The following NAALADL2 variants were observed in gnomAD, a reference collection of about 807,000 sequenced individuals.
NAALADL2 encodes the protein N-acetylated alpha-linked acidic dipeptidase like 2, also known as inactive N-acetylated-alpha-linked acidic dipeptidase-like protein 2.
A neutral mutation model predicts 87.2 loss-of-function variants in NAALADL2; 76 were observed. The observed-to-expected ratio is 0.87, with a 90% CI of 0.72 to 1.05. NAALADL2 has a LOEUF of 1.05. NAALADL2 is among the 50% of genes least tolerant of loss of function. NAALADL2 has a pLI of 0.00. For missense variants in NAALADL2, 1,089 were observed against 945.8 expected (o/e 1.15, Z -1.99); for synonymous variants, 354 against 331.0 (o/e 1.07, Z -0.75).
intron 2 of NAALADL2, among the ~76,000 whole-genome samples, chr3:175,112,283 TG>T (rs1724322669): frequency 6.6e-6 from 1 of 151,554 alleles, no homozygotes; most frequent in African/African-American, 2.4e-5. Flanking sequence ...CCCAAATTCT[TG>T]TTAATATATT....
chr3:175,201,046 C>T (rs1198002999), intron 2 of NAALADL2, among the ~76,000 whole-genome samples: 1 of 152,166 alleles, frequency 6.6e-6, no homozygotes, highest in Non-Finnish European at 1.5e-5. Flanking sequence ...AGAATTATGT[C>T]AAATTGTTCT....
intron 10 of NAALADL2, 94 bp from the exon 11 acceptor site, chr3:175,627,197 A>G (rs1026179823): frequency 1.0e-6 from 1 of 954,186 alleles, no homozygotes; most frequent in Non-Finnish European, 1.6e-6. Context: ...AAGGCAATTT[A>G]GAGTCCTTTT....
chr3:175,645,672 T>C (rs1374465514), intron 11 of NAALADL2, among the ~76,000 whole-genome samples: 2 of 152,052 alleles, frequency 1.3e-5, no homozygotes, highest in Non-Finnish European at 2.9e-5. Flanking sequence ...AAGAAGGCCA[T>C]GTCACTGGAA....
At chr3:175,069,432 C>T (rs1172725982) in intron 1 of NAALADL2, among the ~76,000 whole-genome samples, 2 of 149,556 alleles carry the variant, frequency 1.3e-5, no homozygotes, top group Non-Finnish European at 2.9e-5. Flanking sequence ...CACTGGCCAT[C>T]AGAGAAATGC....
At chr3:175,218,609 A>T (rs1417235898) in intron 2 of NAALADL2, among the ~76,000 whole-genome samples, 1 of 152,052 alleles carries the variant, frequency 6.6e-6, no homozygotes, top group Non-Finnish European at 1.5e-5. Context: ...TATAACAGTT[A>T]TTTTCACATT....
intron 5 of NAALADL2, among the ~76,000 whole-genome samples, chr3:175,402,717 A>G (rs560623867): frequency 1.1e-3 from 173 of 152,112 alleles, no homozygotes; most frequent in African/African-American, 4.0e-3. Context: ...TTCCTTCAGA[A>G]CTGGATTTTA....
intron 1 of NAALADL2, among the ~76,000 whole-genome samples, chr3:174,971,851 C>T (rs147277005): frequency 3.3e-4 from 50 of 152,256 alleles, no homozygotes; most frequent in Non-Finnish European, 4.3e-4. Flanking sequence ...GCACATGCCA[C>T]GACGCCCAGC....
chr3:175,458,550 A>C (rs1722662849), intron 6 of NAALADL2, among the ~76,000 whole-genome samples: 1 of 147,868 alleles, frequency 6.8e-6, no homozygotes, highest in Non-Finnish European at 1.5e-5. Flanking sequence ...ATATAATTAA[A>C]ATATATTAAA....
intron 2 of NAALADL2, among the ~76,000 whole-genome samples, chr3:175,108,759 A>T (rs1723681306): frequency 6.6e-6 from 1 of 151,978 alleles, no homozygotes; most frequent in Non-Finnish European, 1.5e-5. Context: ...GGTATATTTT[A>T]ATTAAACTGG....
intron 12 of NAALADL2, among the ~76,000 whole-genome samples, chr3:175,753,637 T>G (rs1746885701): frequency 1.3e-5 from 2 of 152,206 alleles, no homozygotes; most frequent in African/African-American, 2.4e-5. Context: ...TTTTCTTAAA[T>G]ATGTATAGAA....
At chr3:175,695,723 C>T (rs1220828873) in intron 11 of NAALADL2, among the ~76,000 whole-genome samples, 1 of 151,908 alleles carries the variant, frequency 6.6e-6, no homozygotes, top group South Asian at 2.1e-4. Context: ...TGCTTCCAAA[C>T]ATAGATTTCA....
intron 2 of NAALADL2, among the ~76,000 whole-genome samples, chr3:174,577,165 A>G (rs1297498338): frequency 1.3e-5 from 2 of 152,146 alleles, no homozygotes; most frequent in African/African-American, 4.8e-5. Flanking sequence ...TACATATATA[A>G]CACATTTGAT....
intron 5 of NAALADL2, among the ~76,000 whole-genome samples, chr3:175,349,594 C>T (rs1489875785): frequency 1.3e-5 from 2 of 152,002 alleles, no homozygotes; most frequent in Admixed American, 1.3e-4. Context: ...AGAAAACAGA[C>T]CCTTGCTTCA....
chr3:174,553,246 A>G (rs1189559962), intron 2 of NAALADL2, among the ~76,000 whole-genome samples: 2 of 152,182 alleles, frequency 1.3e-5, no homozygotes, highest in Non-Finnish European at 2.9e-5. Flanking sequence ...GGCAAATGTT[A>G]TAATAATTAG....
chr3:174,714,416 A>T (rs958599737), intron 2 of NAALADL2, among the ~76,000 whole-genome samples: 7 of 152,092 alleles, frequency 4.6e-5, no homozygotes, highest in Non-Finnish European at 7.4e-5. Context: ...CATGATTTTG[A>T]TTCTTCCTAC....
At chr3:175,601,506 G>A (rs1164774857) in intron 10 of NAALADL2, among the ~76,000 whole-genome samples, 1 of 152,136 alleles carries the variant, frequency 6.6e-6, no homozygotes, top group East Asian at 1.9e-4. Context: ...GCGATATGGA[G>A]CAAGTTATAA....
chr3:175,667,910 G>A (rs532681742), intron 11 of NAALADL2, among the ~76,000 whole-genome samples: 16 of 152,002 alleles, frequency 1.1e-4, no homozygotes, highest in African/African-American at 3.1e-4. Context: ...AAGATGTTTC[G>A]TACTAAAACA....
At chr3:174,696,233 A>G (rs1728998924) in intron 2 of NAALADL2, among the ~76,000 whole-genome samples, 1 of 152,052 alleles carries the variant, frequency 6.6e-6, no homozygotes, top group Admixed American at 6.5e-5. Flanking sequence ...TTAATATTAT[A>G]AAGTAGACAT....
At position 174,508,114 on chromosome 3, in the gene NAALADL2, G is replaced by GTTTTTTTTTTTTTTGT. The variant is rs1553775286; in HGVS notation, c.-183-42441_-183-42440insGTTTTTTTTTTTTTTT. Among the ~76,000 whole-genome samples the GTTTTTTTTTTTTTTGT allele has an allele frequency of 1.0e-3, 108 of 103,890 alleles. 3 individuals are homozygous for GTTTTTTTTTTTTTTGT. Among genetic ancestry groups the GTTTTTTTTTTTTTTGT allele is most frequent in the Non-Finnish European group, 1.5e-3 (79 of 51,914 alleles). 68.2% of individuals were successfully genotyped at this position (103,890 alleles called of 152,430 possible). Reference sequence around the variant, plus strand: ...AATTTTAGCTATTGGATATCTAGTGGTTTTTTTTTTTTTTTTTGAGACGAA... The same window carrying GTTTTTTTTTTTTTTGT: ...AATTTTAGCTATTGGATATCTAGTGGTTTTTTTTTTTTTTGTTTTTTTTTTTTTTTTTTGAGACGAA... On this transcript the variant is annotated intron_variant, in intron 1 of 3. Coordinates refer to the NAALADL2 transcript ENST00000434257.
Sources: gnomAD v4.1 joint callset for allele counts (sites outside exome capture counted in the v4.1 genomes callset) on GRCh38, gnomAD v4.1.1 for gene constraint, MANE v1.5 for transcripts, NCBI Gene and HGNC (gene_info 2026-07-23, HGNC 2026-07-21) for gene names.